Variants in PARD3B observed in about 807,000 individuals in gnomAD.
The protein encoded by PARD3B is partitioning defective 3 homolog B.
A neutral mutation model predicts 130.2 loss-of-function variants in PARD3B; 103 were observed. The observed-to-expected ratio is 0.79, with a 90% CI of 0.67 to 0.93. The LOEUF (loss-of-function observed/expected upper bound fraction) is 0.93, where lower values mean the gene tolerates loss of function less well. Among genes scored for constraint, PARD3B ranks in the 40% least tolerant of loss-of-function variants. PARD3B has a pLI of 0.00. For synonymous variants in PARD3B, 583 were observed against 553.2 expected (o/e 1.05, Z -0.76); for missense variants, 1,609 against 1,499.2 (o/e 1.07, Z -1.21).
At chr2:204,715,436 A>G (rs1378007554) in intron 2 of PARD3B, among the ~76,000 whole-genome samples, 1 of 150,624 alleles carries the variant, frequency 6.6e-6, no homozygotes, top group Admixed American at 6.6e-5. Flanking sequence ...TCTGCTCTTC[A>G]GGCTATTTCA....
intron 15 of PARD3B, among the ~76,000 whole-genome samples, chr2:205,204,704 G>A (rs1235318954): frequency 2.0e-5 from 3 of 152,146 alleles, no homozygotes; most frequent in Admixed American, 2.0e-4. Flanking sequence ...ATTAAATAGG[G>A]AATCCTTTCC....
chr2:204,949,758 G>T (rs552044791), intron 2 of PARD3B, among the ~76,000 whole-genome samples: 23 of 152,122 alleles, frequency 1.5e-4, no homozygotes, highest in Non-Finnish European at 2.5e-4. Context: ...GAAAATTTTT[G>T]AGATGTTAGT....
intron 20 of PARD3B, among the ~76,000 whole-genome samples, chr2:205,450,421 G>A (rs1253392128): frequency 2.0e-5 from 3 of 150,080 alleles, no homozygotes; most frequent in African/African-American, 7.4e-5. Context: ...AAAAGCAAGT[G>A]AGGAGATGAA....
rs2053191344 is a variant in PARD3B, at chr2:205,562,958, T to C, written c.3260+9555T>C. Among the ~76,000 whole-genome samples the C allele has an allele frequency of 6.6e-6, 1 of 152,210 alleles. No individual in the cohort carries two copies. On this transcript the variant is annotated intron_variant, in intron 22 of 22. Coordinates refer to ENST00000406610, the MANE Select transcript of PARD3B (RefSeq NM_001302769.2). The surrounding 1 kb of genome is among the most constrained non-coding windows in gnomAD (Gnocchi z 5.4). ...TATAGACAGAGACATTATGAATAAA[T>C]GAAGTGTATTAATTTATTATAACAT... is the stretch of plus-strand genomic sequence containing the variant.
chr2:205,214,642 GT>G (rs2037820371), intron 15 of PARD3B, among the ~76,000 whole-genome samples: 1 of 151,904 alleles, frequency 6.6e-6, no homozygotes, highest in Non-Finnish European at 1.5e-5. Context: ...TTGTATTTAG[GT>G]TTAATCAAAG....
At chr2:204,704,791 T>C (rs1029940793) in intron 2 of PARD3B, among the ~76,000 whole-genome samples, 2 of 152,182 alleles carry the variant, frequency 1.3e-5, no homozygotes, top group Admixed American at 1.3e-4. Flanking sequence ...GAATATTTTT[T>C]CCCCTAATGC....
intron 2 of PARD3B, among the ~76,000 whole-genome samples, chr2:204,849,032 T>G (rs964083146): frequency 6.6e-5 from 10 of 152,292 alleles, no homozygotes; most frequent in Admixed American, 3.9e-4. Context: ...ATCATTCTAT[T>G]TCTTTGATTT....
intron 1 of PARD3B, among the ~76,000 whole-genome samples, chr2:204,552,024 T>C (rs900182430): frequency 6.6e-6 from 1 of 152,226 alleles, no homozygotes. Flanking sequence ...CTAGTGCAAC[T>C]GAGGAACTGA....
intron 2 of PARD3B, among the ~76,000 whole-genome samples, chr2:204,744,834 T>G (rs1249080127): frequency 6.6e-6 from 1 of 152,050 alleles, no homozygotes; most frequent in Non-Finnish European, 1.5e-5. Flanking sequence ...GAGACTAAAG[T>G]TTAAAATTTA....
chr2:204,614,817 G>A (rs1486778904), intron 1 of PARD3B, among the ~76,000 whole-genome samples: 3 of 152,024 alleles, frequency 2.0e-5, no homozygotes, highest in Non-Finnish European at 2.9e-5. Flanking sequence ...TGCCATGATT[G>A]GAAGCTTCCT....
At chr2:204,966,599 C>T (rs762850947) in intron 3 of PARD3B, among the ~76,000 whole-genome samples, 24 of 152,184 alleles carry the variant, frequency 1.6e-4, no homozygotes, top group Non-Finnish European at 7.3e-5. Context: ...CTGTGGTCTT[C>T]AAATGGCCGA....
intron 1 of PARD3B, among the ~76,000 whole-genome samples, chr2:204,631,728 T>C (rs537361759): frequency 6.6e-6 from 1 of 152,332 alleles, no homozygotes; most frequent in African/African-American, 2.4e-5. Flanking sequence ...TGTTTTTTTG[T>C]AGTGGCTGGT....
intron 16 of PARD3B, among the ~76,000 whole-genome samples, chr2:205,295,673 A>G (rs2041763099): frequency 6.6e-6 from 1 of 152,202 alleles, no homozygotes; most frequent in Non-Finnish European, 1.5e-5. Flanking sequence ...TGGAAGATCC[A>G]ATTACTGGTC....
rs1275328168 is a variant in PARD3B, at chr2:205,446,435, T to G, written c.3044+5763T>G. On this transcript the variant is annotated intron_variant, in intron 20 of 22. Coordinates refer to ENST00000406610, the MANE Select transcript of PARD3B (RefSeq NM_001302769.2). This position sits in a 1 kb window ranked among gnomAD's most constrained non-coding sequence, Gnocchi z 4.4. ...GGGAAGATTATAATATAGCCTTGCA[T>G]CCTGTGATGGTTAAATATGATTTTA... 6.6e-6 allele frequency among the ~76,000 whole-genome samples: 1 copy of G among 152,212 alleles called. No individual in the cohort carries two copies. Among genetic ancestry groups the G allele is most frequent in the Non-Finnish European group, 1.5e-5 (1 of 68,034 alleles).
At chr2:204,941,856 T>A (rs996834894) in intron 2 of PARD3B, among the ~76,000 whole-genome samples, 3 of 151,624 alleles carry the variant, frequency 2.0e-5, no homozygotes, top group Admixed American at 6.6e-5. Context: ...ATATATATAT[T>A]TAAATTATAT....
chr2:205,252,570 C>T (rs371297823), intron 16 of PARD3B, among the ~76,000 whole-genome samples: 1 of 152,074 alleles, frequency 6.6e-6, no homozygotes, highest in South Asian at 2.1e-4. Flanking sequence ...AATGAGCCAA[C>T]ACATTTCAGG....
intron 20 of PARD3B, among the ~76,000 whole-genome samples, chr2:205,478,024 G>A (rs1167178083): frequency 6.6e-6 from 1 of 152,190 alleles, no homozygotes; most frequent in African/African-American, 2.4e-5. Flanking sequence ...AGGTTTAATT[G>A]GGGAAGCCCC....
chr2:204,924,646 A>G (rs1320497480), intron 2 of PARD3B, among the ~76,000 whole-genome samples: 1 of 152,106 alleles, frequency 6.6e-6, no homozygotes, highest in African/African-American at 2.4e-5. Flanking sequence ...TGCTTGTACA[A>G]TTCTGTAATA....
intron 15 of PARD3B, among the ~76,000 whole-genome samples, chr2:205,233,992 A>T (rs1319144890): frequency 6.6e-6 from 1 of 152,224 alleles, no homozygotes. Flanking sequence ...TAACAAAAGA[A>T]CACTCTAATA....
Sources: allele counts gnomAD v4.1 joint callset (sites outside exome capture counted in the v4.1 genomes callset), GRCh38; gene constraint gnomAD v4.1.1; non-coding constraint Gnocchi (gnomAD v3.1); transcripts MANE v1.5; gene names NCBI Gene and HGNC (gene_info 2026-07-23, HGNC 2026-07-21).